Variants in BTAF1 observed in about 807,000 individuals in gnomAD.
BTAF1 encodes the protein TATA-binding protein-associated factor 172.
In BTAF1, 38 loss-of-function variants were observed where a neutral mutation model predicts 227.1. The ratio of observed to expected loss-of-function variants is 0.17; its 90% CI spans 0.13 to 0.22. BTAF1 has a LOEUF of 0.22. BTAF1 is among the 10% of genes least tolerant of loss of function. The probability of loss-of-function intolerance (pLI) is 1.00; values close to 1 mark genes in which losing one functional copy is unlikely to be tolerated. For missense variants in BTAF1, 1,598 were observed against 2,204.0 expected, an observed-to-expected ratio of 0.73 and a Z score of 5.51; for synonymous variants, 742 against 751.9, an observed-to-expected ratio of 0.99 and a Z score of 0.21.
chr10:91,938,989 AGG>A (rs56966522), intron 2 of BTAF1, among the ~76,000 whole-genome samples: 1,298 of 54,774 alleles, frequency 0.024, 18 homozygotes, highest in Admixed American at 0.11. Context: ...AAAAAAAAAA[AGG>A]GGGGGGGGAT....
At chr10:91,935,548 G>T in intron 1 of BTAF1, 109 bp from the exon 2 acceptor site, 1 of 1,181,820 alleles carries the variant, frequency 8.5e-7, no homozygotes, top group Non-Finnish European at 1.2e-6. Context: ...GCTCATTTAT[G>T]TTAGCGTAGG....
At chr10:91,999,758 T>G (rs527461847) in intron 25 of BTAF1, among the ~76,000 whole-genome samples, 1 of 152,224 alleles carries the variant, frequency 6.6e-6, no homozygotes, top group Non-Finnish European at 1.5e-5. Context: ...GGATAGTAGA[T>G]ATGTAAATCA....
At position 91,994,554 on chromosome 10, in the gene BTAF1, T is replaced by G. The variant is rs766122140; in HGVS notation, c.3219T>G (p.Asp1073Glu). 1 of 1,612,920 alleles carries G rather than the reference T, an allele frequency of 6.2e-7. No individual in the cohort carries two copies. Among genetic ancestry groups the G allele is most frequent in the Non-Finnish European group, 8.5e-7 (1 of 1,179,172 alleles). ...INNFDGKSLL[D>E]KGDSPAQELV... Reference sequence around the variant, plus strand: ...TAACAGATGGAAAATCCCTCCTGGATAAGGGAGATAGCCCTGCTCAAGAAT... The same window carrying G: ...TAACAGATGGAAAATCCCTCCTGGAGAAGGGAGATAGCCCTGCTCAAGAAT... Residue 1073 changes from aspartate (D) to glutamate (E), a missense_variant, in exon 23 of 38, where the codon GAT (aspartate) becomes GAG (glutamate). Transcript: ENST00000265990.
chr10:91,935,823 G>T (rs751330758), intron 2 of BTAF1, 43 bp downstream of exon 2: 1 of 1,467,326 alleles, frequency 6.8e-7, no homozygotes, highest in Non-Finnish European at 9.2e-7. Flanking sequence ...CAATTGTAGA[G>T]ACTTATTCAT....
Position 91,951,823 on chromosome 10 carries a change from C to G in BTAF1, c.564+257C>G, listed in dbSNP as rs964659122. On this transcript the variant is annotated intron_variant, in intron 5 of 37. Coordinates refer to ENST00000265990, the MANE Select transcript of BTAF1 (RefSeq NM_003972.3). ...TAGGCACTACTGGTATTGAAAGATT[C>G]TAATTGCTGCAATTGCTCTTTTTTT... Among the ~76,000 whole-genome samples, 4 of 152,030 alleles carry G rather than the reference C, an allele frequency of 2.6e-5. No individual in the cohort carries two copies. The East Asian group carries it at 7.7e-4, about 29-fold the overall frequency.
At chr10:91,956,872 C>T (rs1188798902) in intron 7 of BTAF1, among the ~76,000 whole-genome samples, 7 of 152,074 alleles carry the variant, frequency 4.6e-5, no homozygotes, top group Non-Finnish European at 5.9e-5. Context: ...TGCCTGTAAT[C>T]CCAGCTACTT....
At chr10:91,969,341 CA>C (rs993012288) in intron 14 of BTAF1, among the ~76,000 whole-genome samples, 91 of 149,032 alleles carry the variant, frequency 6.1e-4, no homozygotes, top group East Asian at 5.8e-4. Context: ...TTTTTTGCCA[CA>C]AAAAAAAAGT....
intron 1 of BTAF1, chr10:91,935,022 A>G (rs1844509010): frequency 6.6e-6 from 1 of 151,922 alleles, no homozygotes. Flanking sequence ...GCTCCCTTCA[A>G]CCCCAGTAGC....
At chr10:91,928,077 CTT>C (rs1690440932) in intron 1 of BTAF1, among the ~76,000 whole-genome samples, 3 of 85,402 alleles carry the variant, frequency 3.5e-5, no homozygotes, top group African/African-American at 1.4e-4. Context: ...ATATTTTTTT[CTT>C]TTTAAAGCTA....
At chr10:91,962,511 A>C in intron 11 of BTAF1, 27 bp from the exon 12 acceptor site, 1 of 1,451,154 alleles carries the variant, frequency 6.9e-7, no homozygotes, top group Non-Finnish European at 9.4e-7. Flanking sequence ...ATAGAAAATT[A>C]ATTTATTTTC....
intron 1 of BTAF1, among the ~76,000 whole-genome samples, chr10:91,924,911 A>G (rs1408360025): frequency 6.6e-6 from 1 of 152,254 alleles, no homozygotes; most frequent in East Asian, 1.9e-4. Flanking sequence ...TGGATTCACC[A>G]AGTTCCTTAG....
intron 19 of BTAF1, among the ~76,000 whole-genome samples, chr10:91,988,486 A>G (rs966854902): frequency 2.0e-5 from 3 of 152,226 alleles, no homozygotes; most frequent in African/African-American, 4.8e-5. Flanking sequence ...TAAAAAAAAG[A>G]CTGACTGAAC....
At chr10:91,941,336 TC>T (rs1439381919) in intron 3 of BTAF1, among the ~76,000 whole-genome samples, 3 of 152,236 alleles carry the variant, frequency 2.0e-5, no homozygotes, top group African/African-American at 7.2e-5. Context: ...TTGCTTATCA[TC>T]ACTAGAAAAC....
intron 8 of BTAF1, among the ~76,000 whole-genome samples, chr10:91,958,531 G>C (rs967849897): frequency 1.3e-5 from 2 of 152,032 alleles, no homozygotes; most frequent in African/African-American, 4.8e-5. Flanking sequence ...GAGAAACCCT[G>C]TCTCTACTAA....
At chr10:91,969,908 G>C (rs186791594) in intron 14 of BTAF1, among the ~76,000 whole-genome samples, 13 of 151,760 alleles carry the variant, frequency 8.6e-5, no homozygotes, top group African/African-American at 3.1e-4. Context: ...AGGCTGCAGT[G>C]AGCCGAGATT....
chr10:91,933,262 A>G (rs10430650), intron 1 of BTAF1, among the ~76,000 whole-genome samples: 90,203 of 152,078 alleles, frequency 0.59, 30,469 homozygotes, highest in East Asian at 0.77. Context: ...GAAAGTTTTA[A>G]AGTAAGGTAG....
intron 1 of BTAF1, among the ~76,000 whole-genome samples, chr10:91,927,438 T>A (rs1589726733): frequency 6.6e-6 from 1 of 152,192 alleles, no homozygotes; most frequent in Non-Finnish European, 1.5e-5. Flanking sequence ...ACATTTTCTC[T>A]GGTTTTACTT....
chr10:91,978,389 T>TG (rs1416096920), intron 14 of BTAF1, among the ~76,000 whole-genome samples: 2 of 152,042 alleles, frequency 1.3e-5, no homozygotes, highest in Admixed American at 6.6e-5. Context: ...GTAAATATTT[T>TG]GGGGGGAAAA....
chr10:91,958,021 T>C (rs1182147211), intron 8 of BTAF1, among the ~76,000 whole-genome samples: 1 of 152,096 alleles, frequency 6.6e-6, no homozygotes, highest in African/African-American at 2.4e-5. Context: ...CACTCACTTA[T>C]CATTGGTAGC....
Sources: allele counts gnomAD v4.1 joint callset (sites outside exome capture counted in the v4.1 genomes callset), GRCh38; gene constraint gnomAD v4.1.1; transcripts MANE v1.5; gene names NCBI Gene and HGNC (gene_info 2026-07-23, HGNC 2026-07-21).